The following DHRSX variants were observed in gnomAD, a reference collection of about 807,000 sequenced individuals.
The protein encoded by DHRSX is dehydrogenase/reductase X-linked, also known as polyprenol dehydrogenase.
Under a neutral mutation model 34.0 loss-of-function variants are expected in DHRSX, and 31 were observed. The observed-to-expected ratio is 0.91, with a 90% confidence interval of 0.69 to 1.23. The LOEUF is 1.23. Ranked by LOEUF, DHRSX falls within the 50% of genes most tolerant of loss-of-function variation. The probability of loss-of-function intolerance (pLI) is 0.00; values close to 1 mark genes in which losing one functional copy is unlikely to be tolerated. For missense variants in DHRSX, 414 were observed against 428.1 expected, an observed-to-expected ratio of 0.97 and a Z score of 0.29; for synonymous variants, 201 against 183.8, an observed-to-expected ratio of 1.09 and a Z score of -0.76.
At chrX:2,489,671 C>T (rs141003567) in intron 1 of DHRSX, 40 of 1,612,300 alleles carry the variant, frequency 2.5e-5, no homozygotes, top group Non-Finnish European at 3.3e-5. Flanking sequence ...CCAGGAGACG[C>T]GGTTGCTCAC....
intron 5 of DHRSX, among the ~76,000 whole-genome samples, chrX:2,251,897 G>A (rs1418276914): frequency 6.6e-6 from 1 of 152,072 alleles, no homozygotes; most frequent in Non-Finnish European, 1.5e-5. Flanking sequence ...TTTGGGGGTT[G>A]GGGTGGGGTA....
rs1374474278 is a variant in DHRSX at position 2,455,986 on chromosome X, G to T, written c.110-30682C>A. Among the ~76,000 whole-genome samples the T allele has an allele frequency of 2.6e-5, 4 of 151,888 alleles. No homozygotes were observed. In the East Asian group the frequency reaches 7.7e-4, roughly 29 times the overall value. Reference sequence around the variant, plus strand: ...TCCCCGAGACTTAATAAGACACCTGGCTCCGTCACTGATCAAAGAATGGGT... The same window carrying T: ...TCCCCGAGACTTAATAAGACACCTGTCTCCGTCACTGATCAAAGAATGGGT... On this transcript the variant is annotated intron_variant, in intron 1 of 6. Transcript: ENST00000334651.
At chrX:2,324,909 T>C (rs62583693) in intron 3 of DHRSX, among the ~76,000 whole-genome samples, 112,502 of 148,982 alleles carry the variant, frequency 0.76, 43,551 homozygotes, top group African/African-American at 0.86. Context: ...GCTGGCATTA[T>C]AGGTACGCAC....
At chrX:2,226,311 G>A (rs1283095895) in intron 6 of DHRSX, among the ~76,000 whole-genome samples, 3 of 152,094 alleles carry the variant, frequency 2.0e-5, no homozygotes, top group Admixed American at 1.3e-4. Context: ...AATTACTCGA[G>A]TTCCCCTCCC....
chrX:2,442,931 A>G lies in DHRSX; in HGVS notation c.110-17627T>C, dbSNP rs189453921. On this transcript the variant is annotated intron_variant, in intron 1 of 6. Transcript: ENST00000334651. ...ACCAGACACGTGCGTGTTCCGTCACATGTCACTATGATAAGACAATGACTT... is the reference window on the plus strand; with the variant it reads ...ACCAGACACGTGCGTGTTCCGTCACGTGTCACTATGATAAGACAATGACTT... Among the ~76,000 whole-genome samples, 516 of 152,312 alleles carry G rather than the reference A, an allele frequency of 3.4e-3. 5 individuals are homozygous for G. Among genetic ancestry groups the G allele is most frequent in the African/African-American group, 0.012 (492 of 41,564 alleles).
intron 3 of DHRSX, among the ~76,000 whole-genome samples, chrX:2,324,861 C>T (rs2042358674): frequency 6.6e-6 from 1 of 150,664 alleles, no homozygotes; most frequent in African/African-American, 2.4e-5. Flanking sequence ...CTCCGCCTCC[C>T]GGGTTCAAGC....
chrX:2,224,708 G>A (rs2015599072), intron 6 of DHRSX, among the ~76,000 whole-genome samples: 1 of 151,590 alleles, frequency 6.6e-6, no homozygotes, highest in South Asian at 2.1e-4. Context: ...ATACACATAT[G>A]GACACACACA....
chrX:2,343,453 C>T (rs1467686804), intron 3 of DHRSX, among the ~76,000 whole-genome samples: 1 of 152,192 alleles, frequency 6.6e-6, no homozygotes, highest in African/African-American at 2.4e-5. Context: ...CAGATGTTCA[C>T]CTGATCAATA....
intron 4 of DHRSX, among the ~76,000 whole-genome samples, chrX:2,287,015 T>G (rs913399869): frequency 3.3e-5 from 5 of 152,218 alleles, no homozygotes; most frequent in Admixed American, 3.3e-4. Context: ...GTTGTCACAT[T>G]GCAAGAGGTG....
chrX:2,390,547 T>C (rs2043323938), intron 3 of DHRSX, among the ~76,000 whole-genome samples: 1 of 152,234 alleles, frequency 6.6e-6, no homozygotes, highest in Non-Finnish European at 1.5e-5. Flanking sequence ...TACATTCATA[T>C]TGTTATGTAG....
chrX:2,253,362 GCGGACA>G (rs1215119031), intron 5 of DHRSX, among the ~76,000 whole-genome samples: 1 of 120,592 alleles, frequency 8.3e-6, no homozygotes, highest in Non-Finnish European at 2.1e-5. Context: ...AGCCTGGGAG[GCGGACA>G]TGGCCGTGAG....
chrX:2,293,638 G>A (rs146929953), intron 3 of DHRSX, among the ~76,000 whole-genome samples: 9 of 152,166 alleles, frequency 5.9e-5, no homozygotes, highest in Non-Finnish European at 1.0e-4. Context: ...GGAGCGAGCA[G>A]AGGCTGGTTC....
intron 4 of DHRSX, among the ~76,000 whole-genome samples, chrX:2,276,975 T>G (rs867897308): frequency 1.5e-3 from 7 of 4,808 alleles, no homozygotes; most frequent in Admixed American, 9.1e-3. Context: ...GAGGAGGAAA[T>G]GGGGGAAGAG....
chrX:2,403,301 C>A (rs144182248), intron 3 of DHRSX, among the ~76,000 whole-genome samples: 3 of 152,306 alleles, frequency 2.0e-5, no homozygotes, highest in African/African-American at 7.2e-5. Flanking sequence ...CATTAACCAT[C>A]TCCACGGCAC....
At chrX:2,457,117 C>T (rs763353292) in intron 1 of DHRSX, among the ~76,000 whole-genome samples, 1 of 152,252 alleles carries the variant, frequency 6.6e-6, no homozygotes, top group South Asian at 2.1e-4. Context: ...AAGCAGCTTA[C>T]AGGGAGCAAA....
intron 3 of DHRSX, among the ~76,000 whole-genome samples, chrX:2,350,785 T>A (rs372383529): frequency 2.4e-4 from 36 of 152,272 alleles, no homozygotes; most frequent in African/African-American, 8.4e-4. Context: ...AACACGTATG[T>A]TTATTGCAAT....
At chrX:2,448,524 A>C (rs749209524) in intron 1 of DHRSX, among the ~76,000 whole-genome samples, 1 of 148,616 alleles carries the variant, frequency 6.7e-6, no homozygotes, top group Non-Finnish European at 1.5e-5. Flanking sequence ...AGGTTATGTG[A>C]ATATGTTAAT....
intron 6 of DHRSX, among the ~76,000 whole-genome samples, chrX:2,234,820 C>A (rs889646280): frequency 2.3e-4 from 35 of 152,360 alleles, no homozygotes; most frequent in African/African-American, 7.9e-4. Flanking sequence ...AAGCGATTCT[C>A]CTGCCTCAGC....
At chrX:2,453,768 T>A (rs1253762193) in intron 1 of DHRSX, among the ~76,000 whole-genome samples, 2 of 152,206 alleles carry the variant, frequency 1.3e-5, no homozygotes, top group African/African-American at 4.8e-5. Context: ...TAATAATACA[T>A]CGCGTCTTTC....
Sources: gnomAD v4.1 joint callset for allele counts (sites outside exome capture counted in the v4.1 genomes callset) on GRCh38, gnomAD v4.1.1 for gene constraint, MANE v1.5 for transcripts, NCBI Gene and HGNC (gene_info 2026-07-23, HGNC 2026-07-21) for gene names.